PAX5: variants seen among roughly 807,000 people sequenced by gnomAD.
The protein encoded by PAX5 is paired box 5, also known as paired box protein Pax-5.
In PAX5, 9 loss-of-function variants were observed where a neutral mutation model predicts 43.7. The observed-to-expected ratio is 0.21, with a 90% CI of 0.12 to 0.36. The LOEUF (loss-of-function observed/expected upper bound fraction) is 0.36, where lower values mean the gene tolerates loss of function less well. Among genes scored for constraint, PAX5 ranks in the 10% least tolerant of loss-of-function variants. The probability of loss-of-function intolerance (pLI) is 1.00; values close to 1 mark genes in which losing one functional copy is unlikely to be tolerated. For synonymous variants in PAX5, 228 were observed against 214.3 expected, an observed-to-expected ratio of 1.06 and a Z score of -0.56; for missense variants, 383 against 532.7, an observed-to-expected ratio of 0.72 and a Z score of 2.77.
intron 5 of PAX5, among the ~76,000 whole-genome samples, chr9:36,985,329 T>C (rs1256380731): frequency 6.6e-6 from 1 of 152,136 alleles, no homozygotes; most frequent in Non-Finnish European, 1.5e-5. Context: ...CCAGGGCTTT[T>C]TTGGATGAAA....
At chr9:36,870,592 A>G (rs556816372) in intron 8 of PAX5, among the ~76,000 whole-genome samples, 2 of 152,368 alleles carry the variant, frequency 1.3e-5, no homozygotes, top group South Asian at 4.1e-4. Flanking sequence ...GACATTTATT[A>G]ATGTCAGTTT....
intron 7 of PAX5, among the ~76,000 whole-genome samples, chr9:36,906,041 G>A (rs1429168389): frequency 1.3e-5 from 2 of 152,146 alleles, no homozygotes; most frequent in East Asian, 3.9e-4. Context: ...GAGCAAAAGA[G>A]GTGCCCAGTG....
chr9:36,907,727 C>T (rs1828939139), intron 7 of PAX5, among the ~76,000 whole-genome samples: 1 of 152,062 alleles, frequency 6.6e-6, no homozygotes, highest in Non-Finnish European at 1.5e-5. Context: ...GAGTTTGAAC[C>T]CATTTATAGG....
intron 5 of PAX5, among the ~76,000 whole-genome samples, chr9:37,000,090 ACGG>A (rs1349473187): frequency 1.3e-5 from 2 of 151,994 alleles, no homozygotes; most frequent in African/African-American, 4.8e-5. Context: ...CCCTAGTAAA[ACGG>A]AAGTGACAGT....
chr9:37,020,349 G>A (rs144151850), intron 2 of PAX5, among the ~76,000 whole-genome samples: 54 of 152,256 alleles, frequency 3.5e-4, no homozygotes, highest in African/African-American at 1.1e-3. Flanking sequence ...ATATATAAGG[G>A]AAATTCCCAA....
intron 8 of PAX5, among the ~76,000 whole-genome samples, chr9:36,855,670 G>C (rs1052724195): frequency 1.3e-5 from 2 of 152,014 alleles, no homozygotes; most frequent in Non-Finnish European, 2.9e-5. Flanking sequence ...GCCCTTCAGG[G>C]GCTGGTTCCC....
chr9:36,921,631 T>C (rs1830176671), intron 7 of PAX5, among the ~76,000 whole-genome samples: 1 of 152,228 alleles, frequency 6.6e-6, no homozygotes. Context: ...TGAGTTCACT[T>C]AGCACAGTGC....
intron 6 of PAX5, among the ~76,000 whole-genome samples, chr9:36,949,645 G>A (rs1018200398): frequency 3.3e-5 from 5 of 152,298 alleles, no homozygotes; most frequent in African/African-American, 1.2e-4. Flanking sequence ...AGCTGCTTCC[G>A]AAGCTTGTGC....
intron 7 of PAX5, among the ~76,000 whole-genome samples, chr9:36,911,722 T>C (rs1829306561): frequency 6.6e-6 from 1 of 152,324 alleles, no homozygotes; most frequent in Non-Finnish European, 1.5e-5. Flanking sequence ...AAAGGAGGCA[T>C]GCCCCATGGA....
intron 2 of PAX5, among the ~76,000 whole-genome samples, chr9:37,020,169 A>G (rs547220390): frequency 6.6e-6 from 1 of 152,128 alleles, no homozygotes; most frequent in Non-Finnish European, 1.5e-5. Context: ...AAATAAAAAC[A>G]TAGAGAAGGA....
intron 1 of PAX5, among the ~76,000 whole-genome samples, chr9:37,025,425 G>A (rs375579656): frequency 1.8e-4 from 27 of 152,118 alleles, no homozygotes; most frequent in Non-Finnish European, 3.7e-4. Flanking sequence ...GTTGGGATGG[G>A]GGGGAGCGGG....
chr9:37,005,753 A>T lies in PAX5; in HGVS notation c.475+720T>A, dbSNP rs74536697. Among the ~76,000 whole-genome samples, 50 of 152,374 alleles carry T rather than the reference A, an allele frequency of 3.3e-4. No homozygotes were observed. In the East Asian group the frequency reaches 8.5e-3, roughly 26 times the overall value. ...ATTGCCCACTTTCTTATATAGTACA[A>T]TAACTTTTCCCCCAGCTAACCAGCG... is the stretch of plus-strand genomic sequence containing the variant. On this transcript the variant is annotated intron_variant, in intron 4 of 9. Coordinates refer to ENST00000358127, the MANE Select transcript of PAX5 (RefSeq NM_016734.3).
At chr9:36,920,684 T>A (rs898009114) in intron 7 of PAX5, among the ~76,000 whole-genome samples, 1 of 152,046 alleles carries the variant, frequency 6.6e-6, no homozygotes, top group East Asian at 1.9e-4. Flanking sequence ...CAACTCCTAA[T>A]CTGAAAATCC....
At chr9:36,900,109 T>A (rs1242411457) in intron 7 of PAX5, among the ~76,000 whole-genome samples, 1 of 152,222 alleles carries the variant, frequency 6.6e-6, no homozygotes, top group Non-Finnish European at 1.5e-5. Flanking sequence ...CGAACATCCT[T>A]CTTTTGTTTG....
At chr9:36,959,965 T>A (rs1588085381) in intron 6 of PAX5, among the ~76,000 whole-genome samples, 3 of 151,988 alleles carry the variant, frequency 2.0e-5, no homozygotes, top group Non-Finnish European at 1.5e-5. Flanking sequence ...TGAGGTGGGG[T>A]AAGTAAGAGT....
At chr9:36,979,785 G>A (rs1019449937) in intron 5 of PAX5, among the ~76,000 whole-genome samples, 2 of 152,146 alleles carry the variant, frequency 1.3e-5, no homozygotes, top group African/African-American at 4.8e-5. Context: ...AAATCACTTT[G>A]TCCCCAGCTC....
At position 36,991,108 on chromosome 9, in the gene PAX5, CAAAAAA is replaced by C. The variant is rs58025570; in HGVS notation, c.604+11534_604+11539del. 1.7e-3 allele frequency among the ~76,000 whole-genome samples: 249 copies of C among 142,864 alleles called. 1 individual carries two copies. The highest frequency in any genetic ancestry group is 3.5e-3 in the Middle Eastern group (1 of 286). 93.7% of individuals were successfully genotyped at this position (142,864 alleles called of 152,430 possible). ...TGGGCGGTAGAGCCAGACCTTGTCT[CAAAAAA>C]AAAAAAAAAAAAAATTCCAGCAAAA... On this transcript the variant is annotated intron_variant, in intron 5 of 9. Coordinates refer to ENST00000358127, the MANE Select transcript of PAX5 (RefSeq NM_016734.3).
chr9:36,947,093 A>G (rs1420302356), intron 6 of PAX5, among the ~76,000 whole-genome samples: 1 of 152,210 alleles, frequency 6.6e-6, no homozygotes, highest in African/African-American at 2.4e-5. Context: ...CTATTCATAA[A>G]TGAATTTATT....
chr9:37,012,424 G>T (rs1204344477), intron 3 of PAX5, among the ~76,000 whole-genome samples: 1 of 152,142 alleles, frequency 6.6e-6, no homozygotes, highest in Non-Finnish European at 1.5e-5. Context: ...CAAGCCTTAA[G>T]GACTATAGGA....
Sources: allele counts gnomAD v4.1 joint callset (sites outside exome capture counted in the v4.1 genomes callset), GRCh38; gene constraint gnomAD v4.1.1; transcripts MANE v1.5; gene names NCBI Gene and HGNC (gene_info 2026-07-23, HGNC 2026-07-21).